The following CELF2 variants were observed in gnomAD, a reference collection of about 807,000 sequenced individuals.
CELF2 encodes CUGBP Elav-like family member 2.
Under a neutral mutation model 62.6 loss-of-function variants are expected in CELF2, and 8 were observed. The ratio of observed to expected loss-of-function variants is 0.13; its 90% CI spans 0.07 to 0.23. The LOEUF is 0.23. Ranked by LOEUF, CELF2 falls within the 10% of genes least tolerant of loss-of-function variation. The pLI is 1.00. For missense variants in CELF2, 333 were observed against 671.0 expected (o/e 0.50, Z 5.56); for synonymous variants, 258 against 250.0 (o/e 1.03, Z -0.30).
At chr10:10,627,049 A>G in the CELF2 span, among the ~76,000 whole-genome samples, 6 of 151,902 alleles carry the variant, frequency 3.9e-5, no homozygotes, top group Non-Finnish European at 5.9e-5. Context: ...CTGTAACGAA[A>G]GAAGAAATTT....
chr10:10,575,477 G>T, the CELF2 span, among the ~76,000 whole-genome samples: 1 of 152,144 alleles, frequency 6.6e-6, no homozygotes. Context: ...ATCCAGACAG[G>T]TTTTTCTTTT....
In CELF2 at chr10:11,334,364, TTCTC is replaced by T. The variant is rs1361150625; in HGVS notation, c.*5317_*5320del. 2.6e-5 allele frequency: 4 copies of T among 152,690 alleles called. No individual in the cohort carries two copies. Among genetic ancestry groups the T allele is most frequent in the African/African-American group, 9.6e-5 (4 of 41,468 alleles). The allele number at this position is 152,690 out of a possible 1,614,324, so 9.5% of individuals were successfully genotyped here. A position where few individuals can be genotyped will look rare whatever the true frequency, so the allele number is the denominator to read the frequency against. ...ATTAAACCATTTTCCTAATACTTGTTTCTCTCTCTGCGTGTTGTATTGTTGGTAG... is the reference window on the plus strand; with the variant it reads ...ATTAAACCATTTTCCTAATACTTGTTTCTCTGCGTGTTGTATTGTTGGTAG... On this transcript the variant is annotated 3_prime_UTR_variant, in exon 13 of 13. Coordinates refer to ENST00000633077, the MANE Select transcript of CELF2 (RefSeq NM_001326342.2).
chr10:10,952,072 G>A (rs1055336164), intron 2 of CELF2: 5 of 152,276 alleles, frequency 3.3e-5, no homozygotes, highest in African/African-American at 7.2e-5. Flanking sequence ...CATCATGTTC[G>A]GTGGCTACCC....
the CELF2 span, among the ~76,000 whole-genome samples, chr10:10,698,275 C>G: frequency 6.6e-6 from 1 of 152,130 alleles, no homozygotes; most frequent in African/African-American, 2.4e-5. Flanking sequence ...CGATTAATAG[C>G]ACTCAGATTG....
rs191520772 is a variant in CELF2, at chr10:10,912,774, T to G, written c.54-7190T>G. Among the ~76,000 whole-genome samples the G allele has an allele frequency of 1.3e-3, 202 of 152,348 alleles. 1 individual carries two copies. The highest frequency in any genetic ancestry group is 3.5e-3 in the East Asian group (18 of 5,190). ...TATCTGTGGCTTACGCATACTCCCC[T>G]GTTGTTCACATCCTGATGAAAAGCA... On this transcript the variant is annotated intron_variant, in intron 1 of 13. Coordinates refer to the CELF2 transcript ENST00000636488.
Position 11,255,276 on chromosome 10 carries a change from G to A in CELF2, c.404-2462G>A, listed in dbSNP as rs193026984. 2.0e-4 allele frequency among the ~76,000 whole-genome samples: 31 copies of A among 152,274 alleles called. No homozygotes were observed. Among genetic ancestry groups the A allele is most frequent in the African/African-American group, 7.0e-4 (29 of 41,544 alleles). On this transcript the variant is annotated intron_variant, in intron 4 of 12. Transcript: ENST00000633077. The surrounding 1 kb of genome is among the most constrained non-coding windows in gnomAD (Gnocchi z 5.5). ...GGAATTGGAGCCCGGGGTGCCTGTT[G>A]CCCATGTCTCCTCCGAGTCTGAACA...
At chr10:10,514,084 T>C in the CELF2 span, among the ~76,000 whole-genome samples, 1 of 152,214 alleles carries the variant, frequency 6.6e-6, no homozygotes, top group Non-Finnish European at 1.5e-5. Context: ...TGCTGACAGG[T>C]TTATTCATAT....
intron 2 of CELF2, among the ~76,000 whole-genome samples, chr10:11,172,756 T>C (rs2069359335): frequency 6.6e-6 from 1 of 152,150 alleles, no homozygotes; most frequent in Non-Finnish European, 1.5e-5. Flanking sequence ...AGAAAAGAAA[T>C]TACTCCTGGC....
chr10:10,483,766 G>A, the CELF2 span, among the ~76,000 whole-genome samples: 9 of 151,964 alleles, frequency 5.9e-5, no homozygotes, highest in Admixed American at 2.6e-4. Flanking sequence ...ATTGAACAAC[G>A]CAAAATATTC....
Position 11,246,200 on chromosome 10 carries a change from A to G in CELF2, c.355-2953A>G, listed in dbSNP as rs2075557257. 6.6e-6 allele frequency among the ~76,000 whole-genome samples: 1 copy of G among 152,026 alleles called. No homozygotes were observed. Reference sequence around the variant, plus strand: ...TTTATGTGGATGCGTATCGACCGCCATGATAGACTGCACACTCCCTGTGGG... The same window carrying G: ...TTTATGTGGATGCGTATCGACCGCCGTGATAGACTGCACACTCCCTGTGGG... On this transcript the variant is annotated intron_variant, in intron 3 of 12. Transcript: ENST00000633077. This position sits in a 1 kb window ranked among gnomAD's most constrained non-coding sequence, Gnocchi z 4.6.
intron 1 of CELF2, among the ~76,000 whole-genome samples, chr10:11,124,379 G>C (rs2058316480): frequency 6.6e-6 from 1 of 152,146 alleles, no homozygotes; most frequent in South Asian, 2.1e-4. Context: ...TTTGAGGAAA[G>C]GACAATATCA....
rs61580670 is a variant in CELF2, at chr10:11,025,239, G to GTGTGTGTATATATATATATATA, written c.74+7077_74+7078insGTGTGTATATATATATATATAT. ...TGTGTGTGTGTGTGTGTGTGTGTGT[G>GTGTGTGTATATATATATATATA]TATATGTATGTGACTGTATATCTGG... On this transcript the variant is annotated intron_variant, in intron 1 of 12. Transcript: ENST00000633077. Among the ~76,000 whole-genome samples the GTGTGTGTATATATATATATATA allele has an allele frequency of 3.7e-3, 518 of 141,042 alleles. 3 individuals are homozygous for GTGTGTGTATATATATATATATA. Among genetic ancestry groups the GTGTGTGTATATATATATATATA allele is most frequent in the African/African-American group, 0.012 (481 of 39,098 alleles). The allele number at this position is 141,042 out of a possible 152,430, so 92.5% of individuals were successfully genotyped here. A position where few individuals can be genotyped will look rare whatever the true frequency, so the allele number is the denominator to read the frequency against.
At chr10:10,623,563 T>C in the CELF2 span, among the ~76,000 whole-genome samples, 15 of 152,216 alleles carry the variant, frequency 9.9e-5, no homozygotes, top group South Asian at 2.9e-3. Context: ...GGAGCTGCCA[T>C]GGGGAAACAT....
intron 1 of CELF2, among the ~76,000 whole-genome samples, chr10:11,121,868 C>T (rs939733621): frequency 2.0e-5 from 3 of 152,068 alleles, no homozygotes; most frequent in African/African-American, 4.8e-5. Context: ...GCTCTGATGA[C>T]AGGGGAGAGT....
the CELF2 span, among the ~76,000 whole-genome samples, chr10:10,691,293 G>T: frequency 8.6e-5 from 13 of 151,226 alleles, no homozygotes; most frequent in Middle Eastern, 3.4e-3. Flanking sequence ...TACTGAGAAT[G>T]ATGATTTCCA....
At chr10:10,671,594 T>C in the CELF2 span, among the ~76,000 whole-genome samples, 1 of 152,286 alleles carries the variant, frequency 6.6e-6, no homozygotes, top group Middle Eastern at 3.4e-3. Context: ...TCACCAGCAT[T>C]TGGTGTGGTC....
intron 1 of CELF2, among the ~76,000 whole-genome samples, chr10:10,884,606 C>T (rs1405548608): frequency 6.6e-6 from 1 of 152,110 alleles, no homozygotes; most frequent in Non-Finnish European, 1.5e-5. Flanking sequence ...ACTCTTTTGC[C>T]TACCCATACA....
the CELF2 span, among the ~76,000 whole-genome samples, chr10:10,669,822 C>T: frequency 6.6e-6 from 1 of 151,794 alleles, no homozygotes; most frequent in African/African-American, 2.4e-5. Context: ...AAAGAGCTTA[C>T]ACACTTTTCA....
the CELF2 span, among the ~76,000 whole-genome samples, chr10:10,720,569 A>G: frequency 3.3e-5 from 5 of 152,316 alleles, no homozygotes; most frequent in East Asian, 9.6e-4. Flanking sequence ...TTTTAGAAGA[A>G]AGCTGCAATG....
Sources: allele counts gnomAD v4.1 joint callset (sites outside exome capture counted in the v4.1 genomes callset), GRCh38; gene constraint gnomAD v4.1.1; non-coding constraint Gnocchi (gnomAD v3.1); transcripts MANE v1.5; gene names NCBI Gene and HGNC (gene_info 2026-07-23, HGNC 2026-07-21).